FANCD2: variants seen among roughly 807,000 people sequenced by gnomAD.
FANCD2 encodes Fanconi anemia group D2 protein.
FANCD2 carries 131 observed loss-of-function variants against 192.3 expected under a neutral mutation model. The observed-to-expected ratio is 0.68, with a 90% CI of 0.59 to 0.79. The LOEUF (loss-of-function observed/expected upper bound fraction) is 0.79. Among genes scored for constraint, FANCD2 ranks in the 30% least tolerant of loss-of-function variants. The pLI is 0.00. For missense variants in FANCD2, 1,508 were observed against 1,701.6 expected, an observed-to-expected ratio of 0.89 and a Z score of 2.00; for synonymous variants, 524 against 612.5, an observed-to-expected ratio of 0.86 and a Z score of 2.13.
intron 42 of FANCD2, 54 bp downstream of exon 42, chr3:10,096,526 C>T (rs978367275): frequency 1.9e-6 from 3 of 1,547,054 alleles, no homozygotes; most frequent in African/African-American, 2.7e-5. Flanking sequence ...TTTGTGACAG[C>T]ATCAGATGGC....
At position 10,028,651 on chromosome 3, in the gene FANCD2, G is replaced by C; in HGVS notation, c.-7G>C. ...AAGTAATTTAAGTGCACAAGACATT[G>C]GTCAAAATGGTTTCCAAAAGAAGAC... On this transcript the variant is annotated 5_prime_UTR_variant, in exon 2 of 44. Coordinates refer to ENST00000675286, the MANE Select transcript of FANCD2 (RefSeq NM_001018115.3). 2 of 1,613,668 alleles carry C rather than the reference G, an allele frequency of 1.2e-6. No individual in the cohort carries two copies. Among genetic ancestry groups the C allele is most frequent in the Admixed American group, 1.7e-5 (1 of 60,020 alleles).
Position 10,093,342 on chromosome 3 carries a change from C to T in FANCD2, c.3888+19C>T. ...TTTGAAGGTGAGAGATTTACTGGGC[C>T]CTGTTTCATATTTATTCTTCCTGTG... is the stretch of plus-strand genomic sequence containing the variant. On this transcript the variant is annotated intron_variant, in intron 39 of 43. Coordinates refer to ENST00000675286, the MANE Select transcript of FANCD2 (RefSeq NM_001018115.3). 6.3e-7 allele frequency: 1 copy of T among 1,597,562 alleles called. No homozygotes were observed. The highest frequency in any genetic ancestry group is 8.6e-7 in the Non-Finnish European group (1 of 1,164,900).
In FANCD2 at chr3:10,081,866, A is replaced by T. The variant is rs562856650; in HGVS notation, c.3224+402A>T. ...CCAGAAGGGTACATGGCCTTTAGAG[A>T]GATAACGGAAGGAAGTGGAAGGTAC... is the stretch of plus-strand genomic sequence containing the variant. On this transcript the variant is annotated intron_variant, in intron 32 of 43. Coordinates refer to ENST00000675286, the MANE Select transcript of FANCD2 (RefSeq NM_001018115.3). 3.3e-5 allele frequency among the ~76,000 whole-genome samples: 5 copies of T among 152,230 alleles called. No homozygotes were observed. The South Asian group carries it at 1.0e-3, about 32-fold the overall frequency.
At chr3:10,041,957 G>C (rs1184377481) in intron 10 of FANCD2, among the ~76,000 whole-genome samples, 1 of 149,698 alleles carries the variant, frequency 6.7e-6, no homozygotes, top group Non-Finnish European at 1.5e-5. Context: ...GGAGTGCAGT[G>C]GTGCAATCTC....
chr3:10,036,288 C>T lies in FANCD2; in HGVS notation c.440C>T (p.Pro147Leu). 6 of 1,611,164 alleles carry T rather than the reference C, an allele frequency of 3.7e-6. No individual in the cohort carries two copies. Among genetic ancestry groups the T allele is most frequent in the Non-Finnish European group, 5.1e-6 (6 of 1,177,738 alleles). Residue 147 changes from proline to leucine, a missense_variant and splice_region_variant, in exon 7 of 44, where the codon CCT (proline) becomes CTT (leucine). Pro to Leu is a moderately conservative substitution (Grantham distance 98, BLOSUM62 -3). This residue lies in a region of FANCD2 where 435 missense variants were observed against 421.9 expected (regional missense o/e 1.03). Coordinates refer to ENST00000675286, the MANE Select transcript of FANCD2 (RefSeq NM_001018115.3). ...KLLLGIDILQ[P>L]AIIKTLFEKL... is the part of the protein sequence containing the mutation. ...AACTCCCTATGTCTTCTTTTTTAGC[C>T]TGCCATTATCAAAACCTTATTTGAG... is the stretch of plus-strand genomic sequence containing the variant.
Position 10,074,916 on chromosome 3 carries a change from T to TTAC in FANCD2, c.2859+261_2859+263dup, listed in dbSNP as rs113253588. Among the ~76,000 whole-genome samples, 29,608 of 151,716 alleles carry TTAC rather than the reference T, an allele frequency of 0.2. 3,316 individuals carry two copies. The highest frequency in any genetic ancestry group is 0.31 in the African/African-American group (12,963 of 41,298). On this transcript the variant is annotated intron_variant, in intron 29 of 43. Transcript: ENST00000675286. The stretch of plus-strand genomic sequence containing the variant: ...CAATGATGTAATCCTTACATTTAGG[T>TTAC]TACTACTACTACTACTACTAATAAG...
In FANCD2 at chr3:10,062,045, A is replaced by G; in HGVS notation, c.1767-106A>G. ...AATGACGAGTTAATGGGTGCAGCAC[A>G]CCAACATGGCACATGTATACATATG... is the stretch of plus-strand genomic sequence containing the variant. On this transcript the variant is annotated intron_variant, in intron 19 of 43. Transcript: ENST00000675286. 8 of 749,678 alleles carry G rather than the reference A, an allele frequency of 1.1e-5. No homozygotes were observed. The South Asian group carries it at 1.1e-4, about 10-fold the overall frequency. 46.4% of individuals were successfully genotyped at this position (749,678 alleles called of 1,614,324 possible). A position where few individuals can be genotyped will look rare whatever the true frequency, so the allele number is the denominator to read the frequency against.
intron 18 of FANCD2, among the ~76,000 whole-genome samples, chr3:10,054,545 G>T (rs1370230317): frequency 8.1e-6 from 1 of 123,732 alleles, no homozygotes; most frequent in Non-Finnish European, 1.6e-5. Flanking sequence ...GTGCAGTGGC[G>T]CAATCTCGGC....
intron 6 of FANCD2, 39 bp from the exon 7 acceptor site, chr3:10,036,248 T>G: frequency 6.5e-7 from 1 of 1,540,614 alleles, no homozygotes. Context: ...ATTGTGTATT[T>G]TGAGATCATC....
intron 22 of FANCD2, 142 bp downstream of exon 22, chr3:10,064,571 C>T (rs531502175): frequency 1.6e-6 from 2 of 1,256,348 alleles, no homozygotes; most frequent in Non-Finnish European, 1.2e-6. Flanking sequence ...ACCCCAGCAC[C>T]CCTGCACCCT....
At chr3:10,032,561 C>A in intron 2 of FANCD2, 1 of 381,224 alleles carries the variant, frequency 2.6e-6, no homozygotes, top group Non-Finnish European at 4.9e-6. Context: ...CCTGCCTTGG[C>A]CTCCTAATTT....
chr3:10,096,831 AT>A (rs966722004), intron 42 of FANCD2, among the ~76,000 whole-genome samples: 77 of 152,066 alleles, frequency 5.1e-4, no homozygotes, highest in African/African-American at 1.8e-3. Flanking sequence ...TTCTTTTGTT[AT>A]TTTTTTTCCC....
At position 10,054,371 on chromosome 3, in the gene FANCD2, G is replaced by A. The variant is rs899156243; in HGVS notation, c.1656+1874G>A. Among the ~76,000 whole-genome samples the A allele has an allele frequency of 5.2e-3, 384 of 74,096 alleles. 4 individuals carry two copies. Among genetic ancestry groups the A allele is most frequent in the African/African-American group, 0.03 (292 of 9,824 alleles). 48.6% of individuals were successfully genotyped at this position (74,096 alleles called of 152,430 possible). A position where few individuals can be genotyped will look rare whatever the true frequency, so the allele number is the denominator to read the frequency against. ...TATATACGTATATATATATATACGT[G>A]TATATACATATATATATGTATATAC... On this transcript the variant is annotated intron_variant, in intron 18 of 43. Coordinates refer to ENST00000675286, the MANE Select transcript of FANCD2 (RefSeq NM_001018115.3).
intron 32 of FANCD2, among the ~76,000 whole-genome samples, chr3:10,084,052 G>T (rs541293295): frequency 7.3e-5 from 11 of 151,146 alleles, no homozygotes; most frequent in Middle Eastern, 3.5e-3. Flanking sequence ...GGAGTGCAGT[G>T]GCGCGATCTC....
At position 10,052,524 on chromosome 3, in the gene FANCD2, T is replaced by A. The variant is rs746964566; in HGVS notation, c.1656+27T>A. The stretch of plus-strand genomic sequence containing the variant: ...TAAGAGGCAATATGTTGGGAAAGAT[T>A]TTTTTTTTTTTGAGACAGAGTCTAG... On this transcript the variant is annotated intron_variant, in intron 18 of 43. Coordinates refer to ENST00000675286, the MANE Select transcript of FANCD2 (RefSeq NM_001018115.3). 10 of 1,398,374 alleles carry A rather than the reference T, an allele frequency of 7.2e-6. No homozygotes were observed. The South Asian group carries it at 1.2e-4, about 17-fold the overall frequency. The allele number at this position is 1,398,374 out of a possible 1,614,324, so 86.6% of individuals were successfully genotyped here. A position where few individuals can be genotyped will look rare whatever the true frequency, so the allele number is the denominator to read the frequency against.
At chr3:10,033,268 G>A (rs2086646929) in intron 3 of FANCD2, among the ~76,000 whole-genome samples, 1 of 152,150 alleles carries the variant, frequency 6.6e-6, no homozygotes, top group African/African-American at 2.4e-5. Context: ...GGGCATGGTG[G>A]CATGTGCCTG....
Position 10,091,907 on chromosome 3 carries a change from A to G in FANCD2, c.3778-274A>G, listed in dbSNP as rs35247345. Among the ~76,000 whole-genome samples the G allele has an allele frequency of 4.5e-3, 682 of 152,340 alleles. 8 individuals are homozygous for G. The highest frequency in any genetic ancestry group is 0.015 in the African/African-American group (637 of 41,572). ...CAGGAGTTCGAGACTAGCCTGGCCA[A>G]CATGGTCAGTATATGTTGCAAAGGC... On this transcript the variant is annotated intron_variant, in intron 37 of 43. Coordinates refer to ENST00000675286, the MANE Select transcript of FANCD2 (RefSeq NM_001018115.3).
chr3:10,046,423 A>G, intron 14 of FANCD2, 157 bp from the exon 15 acceptor site: 2 of 1,236,764 alleles, frequency 1.6e-6, no homozygotes, highest in Non-Finnish European at 2.2e-6. Flanking sequence ...AATATTTCTG[A>G]GTTTTGTGAA....
rs188403544 is a variant in FANCD2, at chr3:10,101,306, G to C, written c.*44G>C. On this transcript the variant is annotated 3_prime_UTR_variant, in exon 44 of 44. Coordinates refer to ENST00000675286, the MANE Select transcript of FANCD2 (RefSeq NM_001018115.3). ...CCTGCTTCTGTGTCTCTGCCAGCCT[G>C]TGATCATTTTGTGTTAGAGTTTGAA... is the stretch of plus-strand genomic sequence containing the variant. 1.4e-6 allele frequency: 2 copies of C among 1,407,740 alleles called. No individual in the cohort carries two copies. The highest frequency in any genetic ancestry group is 2.0e-6 in the Non-Finnish European group (2 of 994,398). The allele number at this position is 1,407,740 out of a possible 1,614,324, so 87.2% of individuals were successfully genotyped here.
Sources: gnomAD v4.1 joint callset for allele counts (sites outside exome capture counted in the v4.1 genomes callset) on GRCh38, gnomAD v4.1.1 for gene constraint, gnomAD v4.1.1 regional missense constraint, MANE v1.5 for transcripts, NCBI Gene and HGNC (gene_info 2026-07-23, HGNC 2026-07-21) for gene names.